Variants in TIPIN observed in about 807,000 individuals in gnomAD.
TIPIN encodes the protein TIMELESS interacting protein.
Under a neutral mutation model 35.6 loss-of-function variants are expected in TIPIN, and 29 were observed. The observed-to-expected ratio is 0.82, with a 90% CI of 0.61 to 1.11. The LOEUF (loss-of-function observed/expected upper bound fraction) is 1.11, where lower values mean the gene tolerates loss of function less well. Among genes scored for constraint, TIPIN ranks in the 50% most tolerant of loss-of-function variants. TIPIN has a pLI of 0.00. For missense variants in TIPIN, 296 were observed against 345.4 expected (o/e 0.86, Z 1.13); for synonymous variants, 102 against 121.5 (o/e 0.84, Z 1.06).
Position 66,380,338 on chromosome 15 carries a change from T to C in TIPIN, c.-9+6269A>G, listed in dbSNP as rs1009081340. Among the ~76,000 whole-genome samples, 4 of 151,904 alleles carry C rather than the reference T, an allele frequency of 2.6e-5. No individual in the cohort carries two copies. The South Asian group carries it at 8.3e-4, about 32-fold the overall frequency. ...TTCATTTCTTTTTCAAATGGCCAGG[T>C]AGTTGTCCCTGTTTCCTTAACTAAA... On this transcript the variant is annotated intron_variant, in intron 1 of 7. Transcript: ENST00000562124.
At chr15:66,362,452 G>A (rs893859770) in intron 1 of TIPIN, among the ~76,000 whole-genome samples, 1 of 152,134 alleles carries the variant, frequency 6.6e-6, no homozygotes, top group Non-Finnish European at 1.5e-5. Flanking sequence ...GCTGGGCACG[G>A]TTTCACGCCT....
chr15:66,349,694 C>A (rs953138378), intron 4 of TIPIN, among the ~76,000 whole-genome samples: 1 of 152,062 alleles, frequency 6.6e-6, no homozygotes, highest in Non-Finnish European at 1.5e-5. Flanking sequence ...GCCTGGGAAA[C>A]ATGGTGAGAC....
intron 6 of TIPIN, among the ~76,000 whole-genome samples, chr15:66,342,858 C>T (rs1292944441): frequency 6.6e-6 from 1 of 152,198 alleles, no homozygotes; most frequent in East Asian, 1.9e-4. Context: ...ATGTCCCCAA[C>T]ATGATCCACA....
At position 66,381,837 on chromosome 15, in the gene TIPIN, G is replaced by A. The variant is rs560398477; in HGVS notation, c.-9+4770C>T. 2.2e-3 allele frequency among the ~76,000 whole-genome samples: 338 copies of A among 152,346 alleles called. 1 individual carries two copies. Among genetic ancestry groups the A allele is most frequent in the African/African-American group, 7.7e-3 (319 of 41,580 alleles). On this transcript the variant is annotated intron_variant, in intron 1 of 7. Transcript: ENST00000562124. ...CCACCACTTTGGGAGGCCGAGGTGG[G>A]TGGATCACCTCAGGTCAGGAGTTCA...
chr15:66,370,508 CG>C (rs1555410311), intron 1 of TIPIN, among the ~76,000 whole-genome samples: 1 of 128,924 alleles, frequency 7.8e-6, no homozygotes, highest in African/African-American at 2.9e-5. Context: ...GGGCATGGGG[CG>C]GGGTGCAGAG....
chr15:66,345,999 T>A (rs912314295), intron 6 of TIPIN, among the ~76,000 whole-genome samples: 1 of 151,352 alleles, frequency 6.6e-6, no homozygotes, highest in Non-Finnish European at 1.5e-5. Flanking sequence ...CAGGCTGGAG[T>A]GTAATGGCGC....
chr15:66,349,391 T>C lies in TIPIN; in HGVS notation c.335A>G (p.His112Arg). The C allele has an allele frequency of 6.2e-7, 1 of 1,613,986 alleles. No individual in the cohort carries two copies. The highest frequency in any genetic ancestry group is 2.2e-5 in the East Asian group (1 of 44,884). ...MLIRHMEHWA[H>R]RLFPKLQFED... Reference sequence around the variant, plus strand: ...AAACTGCAGTTTAGGGAATAGCCTATGTGCCCAGTGCTCCATGTGTCTGAT... The same window carrying C: ...AAACTGCAGTTTAGGGAATAGCCTACGTGCCCAGTGCTCCATGTGTCTGAT... Residue 112 changes from histidine to arginine, a missense_variant, in exon 5 of 8, where the codon CAT becomes CGT. His to Arg is a conservative substitution (Grantham distance 29). Transcript: ENST00000261881.
rs62627268 is a variant in TIPIN, at chr15:66,354,433, C to T, written c.-8-1478G>A. Among the ~76,000 whole-genome samples the T allele has an allele frequency of 9.8e-3, 1,486 of 152,308 alleles. 55 individuals are homozygous for T. The highest frequency in any genetic ancestry group is 0.061 in the Admixed American group (939 of 15,278). ...ATATCCCTTGAATCTGTCTATTTCT[C>T]CTTATCTCTATAACCACTTCCCAAC... On this transcript the variant is annotated intron_variant, in intron 1 of 7. Coordinates refer to ENST00000261881, the MANE Select transcript of TIPIN (RefSeq NM_017858.3).
At position 66,349,447 on chromosome 15, in the gene TIPIN, A is replaced by T; in HGVS notation, c.289-10T>A. The T allele has an allele frequency of 6.2e-7, 1 of 1,607,546 alleles. No homozygotes were observed. Among genetic ancestry groups the T allele is most frequent in the South Asian group, 1.1e-5 (1 of 89,332 alleles). On this transcript the variant is annotated splice_polypyrimidine_tract_variant and intron_variant, in intron 4 of 7. Transcript: ENST00000261881. ...TCTTCAAGTCTTCAGCCTGCCACATAAAAATAAAAATGCTAAACAGGAGTC... is the reference window on the plus strand; with the variant it reads ...TCTTCAAGTCTTCAGCCTGCCACATTAAAATAAAAATGCTAAACAGGAGTC...
chr15:66,358,814 TG>T (rs2093218322), upstream of TIPIN, among the ~76,000 whole-genome samples: 1 of 151,948 alleles, frequency 6.6e-6, no homozygotes, highest in Non-Finnish European at 1.5e-5. Context: ...GAGGCCAAGG[TG>T]GGTGGATCAC....
chr15:66,343,061 C>T (rs957384569), intron 6 of TIPIN, among the ~76,000 whole-genome samples: 27 of 152,112 alleles, frequency 1.8e-4, no homozygotes, highest in East Asian at 1.7e-3. Flanking sequence ...GAGAATGGGG[C>T]CCCCACTGAC....
intron 1 of TIPIN, among the ~76,000 whole-genome samples, chr15:66,377,932 G>C (rs753580876): frequency 3.3e-5 from 5 of 151,814 alleles, no homozygotes; most frequent in Non-Finnish European, 5.9e-5. Flanking sequence ...TGCAACCTCT[G>C]TCTCCTGGGT....
chr15:66,376,715 C>T (rs1377550441), intron 1 of TIPIN, among the ~76,000 whole-genome samples: 1 of 151,860 alleles, frequency 6.6e-6, no homozygotes, highest in Non-Finnish European at 1.5e-5. Flanking sequence ...AGGCATGAGC[C>T]ACCGTGCCCA....
At chr15:66,343,903 C>A (rs934128080) in intron 6 of TIPIN, among the ~76,000 whole-genome samples, 8 of 152,016 alleles carry the variant, frequency 5.3e-5, no homozygotes, top group African/African-American at 1.9e-4. Context: ...GAGGCTGAGG[C>A]AGGAGAATCA....
chr15:66,343,963 A>C (rs1033297007), intron 6 of TIPIN, among the ~76,000 whole-genome samples: 5 of 152,178 alleles, frequency 3.3e-5, no homozygotes, highest in African/African-American at 1.2e-4. Context: ...ACACCACTGC[A>C]CTCCAGCCTG....
chr15:66,352,645 G>C (rs769335148), intron 2 of TIPIN, among the ~76,000 whole-genome samples, 170 bp downstream of exon 2: 1 of 151,596 alleles, frequency 6.6e-6, no homozygotes, highest in Non-Finnish European at 1.5e-5. Flanking sequence ...CCACACCCCG[G>C]CTAATTTTTG....
chr15:66,363,345 T>C (rs964592416), intron 1 of TIPIN, among the ~76,000 whole-genome samples: 3 of 151,008 alleles, frequency 2.0e-5, no homozygotes, highest in African/African-American at 2.4e-5. Context: ...CCGTCTCTAC[T>C]AAAAATACAA....
At chr15:66,380,494 T>G (rs1165969034) in intron 1 of TIPIN, among the ~76,000 whole-genome samples, 2 of 152,134 alleles carry the variant, frequency 1.3e-5, no homozygotes, top group Non-Finnish European at 2.9e-5. Flanking sequence ...GATATAGACG[T>G]TACGTTTTTT....
At chr15:66,368,051 C>G (rs2093264069) in intron 1 of TIPIN, among the ~76,000 whole-genome samples, 2 of 151,780 alleles carry the variant, frequency 1.3e-5, no homozygotes, top group African/African-American at 4.8e-5. Context: ...CCAGGCTGGT[C>G]TCGAACCCCT....
Sources: gnomAD v4.1 joint callset for allele counts (sites outside exome capture counted in the v4.1 genomes callset) on GRCh38, gnomAD v4.1.1 for gene constraint, MANE v1.5 for transcripts, NCBI Gene and HGNC (gene_info 2026-07-23, HGNC 2026-07-21) for gene names.